The following PRLR variants were observed in gnomAD, a reference collection of about 807,000 sequenced individuals.
PRLR encodes the protein prolactin receptor, also known as hPRL receptor.
PRLR carries 13 observed loss-of-function variants against 40.2 expected under a neutral mutation model. That is an observed-to-expected ratio of 0.32 (90% CI 0.21 to 0.51). The LOEUF (loss-of-function observed/expected upper bound fraction) is 0.51. PRLR is among the 20% of genes least tolerant of loss of function. The probability of loss-of-function intolerance (pLI) is 0.97; values close to 1 mark genes in which losing one functional copy is unlikely to be tolerated. For synonymous variants in PRLR, 269 were observed against 278.7 expected (o/e 0.97, Z 0.35); for missense variants, 656 against 747.3 (o/e 0.88, Z 1.42).
intron 3 of PRLR, among the ~76,000 whole-genome samples, chr5:35,087,116 G>GA (rs1219199493): frequency 2.0e-5 from 3 of 151,958 alleles, no homozygotes; most frequent in Non-Finnish European, 2.9e-5. Context: ...TCAGCCTCCT[G>GA]AGCAGCTGGG....
intron 1 of PRLR, among the ~76,000 whole-genome samples, chr5:35,201,708 TCTCTTCTC>T (rs934809694): frequency 6.6e-6 from 1 of 152,128 alleles, no homozygotes; most frequent in Non-Finnish European, 1.5e-5. Context: ...TCTCTTCTCT[TCTCTTCTC>T]CTCTCCTCTT....
rs562083371 is a variant in PRLR, at chr5:35,219,556, C to G, written c.-106+10712G>C. Among the ~76,000 whole-genome samples the G allele has an allele frequency of 3.9e-5, 6 of 152,254 alleles. No homozygotes were observed. The South Asian group carries it at 1.0e-3, about 26-fold the overall frequency. On this transcript the variant is annotated intron_variant, in intron 1 of 9. Coordinates refer to ENST00000618457, the MANE Select transcript of PRLR (RefSeq NM_000949.7). ...GAAACTGATCAACTGTAGAAAGCCC[C>G]ATGTAAATGTCTGACAGCAGGAAGG...
chr5:35,202,476 C>T (rs991366412), intron 1 of PRLR, among the ~76,000 whole-genome samples: 3 of 152,140 alleles, frequency 2.0e-5, no homozygotes, highest in East Asian at 1.9e-4. Context: ...TCAGTCCGTC[C>T]GTACTGTCTC....
intron 1 of PRLR, among the ~76,000 whole-genome samples, chr5:35,138,990 G>C (rs1341914372): frequency 1.3e-5 from 2 of 151,970 alleles, no homozygotes; most frequent in East Asian, 1.9e-4. Context: ...TGGTCAAAAG[G>C]TACAAAAAAT....
chr5:35,227,456 C>G (rs1776580815), intron 1 of PRLR, among the ~76,000 whole-genome samples: 1 of 152,160 alleles, frequency 6.6e-6, no homozygotes, highest in Non-Finnish European at 1.5e-5. Flanking sequence ...ACTGGTAAAG[C>G]TTTAAATGAT....
intron 1 of PRLR, among the ~76,000 whole-genome samples, chr5:35,183,622 C>G (rs183041606): frequency 2.0e-5 from 3 of 152,152 alleles, no homozygotes; most frequent in African/African-American, 7.2e-5. Flanking sequence ...CTTCAGGACA[C>G]GGAAAAGGGA....
intron 1 of PRLR, among the ~76,000 whole-genome samples, chr5:35,189,158 A>C (rs1254385194): frequency 2.0e-5 from 3 of 152,186 alleles, no homozygotes; most frequent in African/African-American, 7.2e-5. Context: ...GCCAAGTAAC[A>C]CTAAGGATGA....
intron 1 of PRLR, among the ~76,000 whole-genome samples, chr5:35,200,781 A>G (rs574490209): frequency 9.8e-5 from 15 of 152,292 alleles, no homozygotes; most frequent in East Asian, 5.8e-4. Flanking sequence ...CCCCTGTAAG[A>G]TATCAGGCCA....
In PRLR at chr5:35,228,654, T is replaced by G. The variant is rs138454920; in HGVS notation, c.-106+1614A>C. ...AATTCTAGGGGTAAGGACTGTCGCC[T>G]TAGGAGAGTCATTAAAAAGGGTTGT... is the stretch of plus-strand genomic sequence containing the variant. On this transcript the variant is annotated intron_variant, in intron 1 of 9. Coordinates refer to ENST00000618457, the MANE Select transcript of PRLR (RefSeq NM_000949.7). Among the ~76,000 whole-genome samples the G allele has an allele frequency of 1.4e-3, 218 of 152,220 alleles. 1 individual carries two copies. Among genetic ancestry groups the G allele is most frequent in the African/African-American group, 5.0e-3 (208 of 41,536 alleles).
intron 2 of PRLR, among the ~76,000 whole-genome samples, chr5:35,108,415 GAA>G (rs1437566023): frequency 2.0e-5 from 3 of 152,152 alleles, no homozygotes; most frequent in Non-Finnish European, 2.9e-5. Flanking sequence ...ATTCAATTAG[GAA>G]AAGAGGAAGT....
rs1412969084 is a variant in PRLR at position 35,065,064 on chromosome 5, A to G, written c.*25T>C. 6.3e-7 allele frequency: 1 copy of G among 1,589,456 alleles called. No homozygotes were observed. Among genetic ancestry groups the G allele is most frequent in the Admixed American group, 1.7e-5 (1 of 58,232 alleles). ...TTACCTGAAGAAAAATCACATTTTA[A>G]CCAATCATTCCATTAGTCAAGCTAT... On this transcript the variant is annotated 3_prime_UTR_variant, in exon 10 of 10. Transcript: ENST00000618457.
intron 1 of PRLR, among the ~76,000 whole-genome samples, chr5:35,148,012 A>G (rs970020255): frequency 2.0e-5 from 3 of 152,158 alleles, no homozygotes; most frequent in African/African-American, 7.2e-5. Context: ...ATACAGATAG[A>G]AAAACAACAG....
At chr5:35,211,984 G>A (rs1776179271) in intron 1 of PRLR, among the ~76,000 whole-genome samples, 1 of 152,192 alleles carries the variant, frequency 6.6e-6, no homozygotes. Context: ...GACAAGAGCA[G>A]AGTTGAGGAA....
intron 2 of PRLR, among the ~76,000 whole-genome samples, chr5:35,104,850 C>G (rs1017092177): frequency 2.0e-5 from 3 of 152,236 alleles, no homozygotes; most frequent in Non-Finnish European, 2.9e-5. Context: ...ATGTACCTGT[C>G]TGACAGCTTT....
rs1338013984 is a variant in PRLR, at chr5:35,064,932, C to T, written c.*157G>A. On this transcript the variant is annotated 3_prime_UTR_variant, in exon 10 of 10. Transcript: ENST00000618457. The stretch of plus-strand genomic sequence containing the variant: ...ACATAATGATTTGTTCTGGAATCAG[C>T]TGCTGGAGAAAGAGGCAAGTGGTTA... The T allele has an allele frequency of 2.7e-6, 2 of 743,412 alleles. No homozygotes were observed. The highest frequency in any genetic ancestry group is 4.3e-6 in the Non-Finnish European group (2 of 465,316). The allele number at this position is 743,412 out of a possible 1,614,324, so 46.1% of individuals were successfully genotyped here. A position where few individuals can be genotyped will look rare whatever the true frequency, so the allele number is the denominator to read the frequency against.
chr5:35,190,057 G>C (rs1775559346), intron 1 of PRLR, among the ~76,000 whole-genome samples: 1 of 152,174 alleles, frequency 6.6e-6, no homozygotes, highest in South Asian at 2.1e-4. Context: ...CTTGGACTTG[G>C]AGGTAAGGGA....
intron 1 of PRLR, among the ~76,000 whole-genome samples, chr5:35,122,861 G>A (rs1449315122): frequency 6.6e-6 from 1 of 152,184 alleles, no homozygotes; most frequent in Non-Finnish European, 1.5e-5. Flanking sequence ...GGGTGGCTGA[G>A]AGTGGAGGAA....
intron 1 of PRLR, among the ~76,000 whole-genome samples, chr5:35,197,128 CTTT>C (rs1015090887): frequency 1.3e-5 from 2 of 152,126 alleles, no homozygotes; most frequent in African/African-American, 4.8e-5. Flanking sequence ...CTGTCCCCAA[CTTT>C]TTTATTTTAT....
chr5:35,226,352 C>T (rs1180399080), intron 1 of PRLR, among the ~76,000 whole-genome samples: 1 of 152,192 alleles, frequency 6.6e-6, no homozygotes, highest in Non-Finnish European at 1.5e-5. Flanking sequence ...AGCTCCATAA[C>T]CTTGGACTAG....
Sources: allele counts gnomAD v4.1 joint callset (sites outside exome capture counted in the v4.1 genomes callset), GRCh38; gene constraint gnomAD v4.1.1; transcripts MANE v1.5; gene names NCBI Gene and HGNC (gene_info 2026-07-23, HGNC 2026-07-21).